The following GOSR1 variants were observed in gnomAD, a reference collection of about 807,000 sequenced individuals.
The protein encoded by GOSR1 is golgi SNAP receptor complex member 1.
Under a neutral mutation model 35.5 loss-of-function variants are expected in GOSR1, and 21 were observed. The ratio of observed to expected loss-of-function variants is 0.59; its 90% confidence interval spans 0.42 to 0.85. The LOEUF is 0.85. Among genes scored for constraint, GOSR1 ranks in the 40% least tolerant of loss-of-function variants. The pLI is 0.00. For synonymous variants in GOSR1, 94 were observed against 106.6 expected, an observed-to-expected ratio of 0.88 and a Z score of 0.73; for missense variants, 285 against 309.6, an observed-to-expected ratio of 0.92 and a Z score of 0.60.
intron 6 of GOSR1, among the ~76,000 whole-genome samples, chr17:30,505,000 T>C (rs540916833): frequency 6.6e-6 from 1 of 152,242 alleles, no homozygotes; most frequent in Non-Finnish European, 1.5e-5. Context: ...GGCTTTGTAA[T>C]TTTATATTTC....
Position 30,491,974 on chromosome 17 carries a change from G to A in GOSR1, c.435-705G>A, listed in dbSNP as rs548141802. Among the ~76,000 whole-genome samples the A allele has an allele frequency of 2.6e-5, 4 of 151,970 alleles. No homozygotes were observed. In the South Asian group the frequency reaches 8.3e-4, roughly 32 times the overall value. On this transcript the variant is annotated intron_variant, in intron 5 of 8. Coordinates refer to ENST00000451249, the MANE Select transcript of GOSR1 (RefSeq NM_001007025.2). ...TGGTGGTGGTTTCTCCTGTAGCACT[G>A]CCTTTCAGCCAGTATTTCAGTTTTA...
At chr17:30,520,761 A>T (rs184372338) in intron 8 of GOSR1, among the ~76,000 whole-genome samples, 116 of 152,222 alleles carry the variant, frequency 7.6e-4, no homozygotes, top group African/African-American at 2.7e-3. Context: ...ATTTGAGTTC[A>T]CTTTTAGTTT....
At chr17:30,515,483 C>G (rs79471339) in intron 7 of GOSR1, among the ~76,000 whole-genome samples, 2,181 of 152,160 alleles carry the variant, frequency 0.014, 54 homozygotes, top group African/African-American at 0.05. Flanking sequence ...ACCTCTATGT[C>G]TCTTCTCCTG....
chr17:30,478,093 C>T (rs945458904), intron 1 of GOSR1: 7 of 218,220 alleles, frequency 3.2e-5, no homozygotes, highest in African/African-American at 9.4e-5. Flanking sequence ...TTGAGAGAAC[C>T]TGTGTGAATT....
At chr17:30,477,642 G>GGGTCT (rs1438985516) in intron 1 of GOSR1, 178 bp downstream of exon 1, 6 of 984,748 alleles carry the variant, frequency 6.1e-6, no homozygotes, top group Admixed American at 6.1e-5. Flanking sequence ...TCTGGGGTAG[G>GGGTCT]GGTCTGGCCT....
intron 6 of GOSR1, among the ~76,000 whole-genome samples, chr17:30,501,565 C>T (rs891273321): frequency 4.0e-5 from 6 of 151,810 alleles, no homozygotes; most frequent in East Asian, 1.9e-4. Context: ...GGCGCGATCT[C>T]GGCTCACTGC....
intron 6 of GOSR1, among the ~76,000 whole-genome samples, chr17:30,504,351 C>T (rs1967325637): frequency 6.6e-6 from 1 of 152,076 alleles, no homozygotes; most frequent in Non-Finnish European, 1.5e-5. Flanking sequence ...TCAAGTGAAT[C>T]CAGCAAACAC....
intron 1 of GOSR1, 183 bp from the exon 2 acceptor site, chr17:30,480,960 C>T (rs751870718): frequency 1.1e-5 from 5 of 463,704 alleles, no homozygotes; most frequent in Non-Finnish European, 2.0e-5. Flanking sequence ...GATCCGCCCA[C>T]CTTGGCCTCC....
intron 1 of GOSR1, chr17:30,480,738 G>GTTTTTT (rs1914283291): frequency 1.4e-4 from 2 of 14,654 alleles, no homozygotes; most frequent in Non-Finnish European, 2.8e-4. Context: ...TTGAGACATA[G>GTTTTTT]TTTTGTTCTT....
chr17:30,492,100 CT>C (rs1302328711), intron 5 of GOSR1, among the ~76,000 whole-genome samples: 1 of 151,906 alleles, frequency 6.6e-6, no homozygotes, highest in Non-Finnish European at 1.5e-5. Context: ...GTTCCTGATA[CT>C]TTATTATTAG....
At chr17:30,513,308 G>A (rs1234797321) in intron 7 of GOSR1, among the ~76,000 whole-genome samples, 3 of 152,164 alleles carry the variant, frequency 2.0e-5, no homozygotes, top group Non-Finnish European at 2.9e-5. Context: ...TCAGTTCACA[G>A]AGCAGGTAAC....
intron 7 of GOSR1, among the ~76,000 whole-genome samples, chr17:30,511,355 A>G (rs1211032154): frequency 1.3e-5 from 2 of 152,176 alleles, no homozygotes; most frequent in Non-Finnish European, 2.9e-5. Flanking sequence ...GTTAAGGGAC[A>G]TTTATTTCTT....
chr17:30,484,920 C>CT (rs766677074), intron 4 of GOSR1, 150 bp downstream of exon 4: 30 of 670,218 alleles, frequency 4.5e-5, no homozygotes, highest in Middle Eastern at 2.4e-4. Flanking sequence ...ACTTGTTTTA[C>CT]TTTTTTTTGG....
chr17:30,481,782 C>T (rs4141117), intron 2 of GOSR1, among the ~76,000 whole-genome samples: 147,777 of 152,252 alleles, frequency 0.97, 71,748 homozygotes, highest in East Asian at 1. Context: ...ATGGAAAATA[C>T]ATTCTTATCT....
intron 6 of GOSR1, chr17:30,495,587 G>A (rs1336292290): frequency 2.9e-6 from 1 of 347,726 alleles, no homozygotes; most frequent in Non-Finnish European, 5.7e-6. Context: ...CTACAGGTGT[G>A]TCACCTTAGC....
chr17:30,495,523 C>G (rs1238177477), intron 6 of GOSR1: 20 of 444,406 alleles, frequency 4.5e-5, no homozygotes, highest in Middle Eastern at 3.3e-4. Flanking sequence ...CAGTGGTCAT[C>G]ACCAGGTGTA....
At chr17:30,497,861 C>A (rs1967055400) in intron 6 of GOSR1, among the ~76,000 whole-genome samples, 1 of 152,098 alleles carries the variant, frequency 6.6e-6, no homozygotes, top group Non-Finnish European at 1.5e-5. Flanking sequence ...GAGTTCAAGA[C>A]CACCTGGCCA....
intron 6 of GOSR1, among the ~76,000 whole-genome samples, 167 bp downstream of exon 6, chr17:30,492,920 A>G (rs1218640579): frequency 6.6e-6 from 1 of 152,182 alleles, no homozygotes; most frequent in East Asian, 1.9e-4. Context: ...CAACTGTTCC[A>G]ACCATAATTA....
chr17:30,510,353 C>T (rs772863054), intron 6 of GOSR1, among the ~76,000 whole-genome samples: 2 of 151,976 alleles, frequency 1.3e-5, no homozygotes, highest in Non-Finnish European at 2.9e-5. Flanking sequence ...GGATTACCGG[C>T]GTGAGCCACC....
Sources: allele counts gnomAD v4.1 joint callset (sites outside exome capture counted in the v4.1 genomes callset), GRCh38; gene constraint gnomAD v4.1.1; transcripts MANE v1.5; gene names NCBI Gene and HGNC (gene_info 2026-07-23, HGNC 2026-07-21).